Variants in ORC3 observed in about 807,000 individuals in gnomAD.
ORC3 encodes origin recognition complex subunit 3.
A neutral mutation model predicts 100.7 loss-of-function variants in ORC3; 78 were observed. The ratio of observed to expected loss-of-function variants is 0.77; its 90% confidence interval spans 0.65 to 0.94. The LOEUF (loss-of-function observed/expected upper bound fraction) is 0.94. Among genes scored for constraint, ORC3 ranks in the 40% least tolerant of loss-of-function variants. ORC3 has a pLI of 0.00. For missense variants in ORC3, 789 were observed against 823.9 expected, an observed-to-expected ratio of 0.96 and a Z score of 0.52; for synonymous variants, 295 against 289.3, an observed-to-expected ratio of 1.02 and a Z score of -0.20.
intron 18 of ORC3, among the ~76,000 whole-genome samples, chr6:87,665,529 TCTCTGCATA>T (rs1770525247): frequency 6.6e-6 from 1 of 152,242 alleles, no homozygotes; most frequent in Non-Finnish European, 1.5e-5. Flanking sequence ...TCGTTTCTTT[TCTCTGCATA>T]CTCTTAGTTC....
At chr6:87,644,079 C>CTTTTTTTTTTTTTTTTTTT (rs1156943778) in intron 13 of ORC3, among the ~76,000 whole-genome samples, 3 of 51,426 alleles carry the variant, frequency 5.8e-5, no homozygotes, top group African/African-American at 9.5e-5. Context: ...GCTGACTGTC[C>CTTTTTTTTTTTTTTTTTTT]TTTTTTTTTT....
At chr6:87,647,815 T>C (rs1017522430) in intron 13 of ORC3, among the ~76,000 whole-genome samples, 2 of 152,226 alleles carry the variant, frequency 1.3e-5, no homozygotes, top group Non-Finnish European at 1.5e-5. Flanking sequence ...AATTTTTTAT[T>C]TGAGGTGCTA....
rs186312890 is a variant in ORC3, at chr6:87,630,178, C to G, written c.1186-4667C>G. Among the ~76,000 whole-genome samples the G allele has an allele frequency of 7.1e-4, 108 of 152,108 alleles. 1 individual carries two copies. In the East Asian group the frequency reaches 0.021, roughly 29 times the overall value. ...GGCACAGTGGCTCACACCTGTAATC[C>G]CAGCACTTTGGGAGGCCGAGGCAAG... is the stretch of plus-strand genomic sequence containing the variant. On this transcript the variant is annotated intron_variant, in intron 11 of 19. Transcript: ENST00000392844.
intron 9 of ORC3, 32 bp downstream of exon 9, chr6:87,616,459 C>A: frequency 2.3e-6 from 2 of 863,822 alleles, no homozygotes; most frequent in Non-Finnish European, 1.9e-6. Context: ...TGAAAATTCT[C>A]AAGCTGATTC....
intron 14 of ORC3, among the ~76,000 whole-genome samples, chr6:87,654,418 A>G (rs956749429): frequency 2.6e-5 from 4 of 152,338 alleles, no homozygotes; most frequent in Admixed American, 6.5e-5. Flanking sequence ...CATGAACTCA[A>G]CCACTCTTCA....
At position 87,614,110 on chromosome 6, in the gene ORC3, C is replaced by T. The variant is rs1041085483; in HGVS notation, c.873+1862C>T. On this transcript the variant is annotated intron_variant, in intron 8 of 19. Coordinates refer to ENST00000392844, the MANE Select transcript of ORC3 (RefSeq NM_012381.4). ...CTACAGCAAACTTCTGCCTGGACAC[C>T]CAGGCTTTTCCATACATCTTCTGAA... 1.3e-5 allele frequency among the ~76,000 whole-genome samples: 2 copies of T among 152,194 alleles called. 1 individual carries two copies. Among genetic ancestry groups the T allele is most frequent in the South Asian group, 4.1e-4 (2 of 4,834 alleles).
intron 2 of ORC3, 63 bp from the exon 3 acceptor site, chr6:87,601,721 T>C: frequency 1.0e-6 from 1 of 971,714 alleles, no homozygotes; most frequent in Non-Finnish European, 1.6e-6. Context: ...ACTTTGCACG[T>C]AAGATCTATA....
At chr6:87,666,253 T>C (rs888095133) in intron 19 of ORC3, among the ~76,000 whole-genome samples, 99 of 152,150 alleles carry the variant, frequency 6.5e-4, no homozygotes, top group African/African-American at 2.3e-3. Flanking sequence ...TGCCTCAGCC[T>C]CCCAAGTAGC....
At chr6:87,670,695 C>A (rs886522682), downstream of ORC3, among the ~76,000 whole-genome samples, 1 of 152,086 alleles carries the variant, frequency 6.6e-6, no homozygotes, top group African/African-American at 2.4e-5. Context: ...ATCTGAAAAC[C>A]CTGAATCGAA....
chr6:87,676,053 G>T, the ORC3 span: 1 of 750,496 alleles, frequency 1.3e-6, no homozygotes, highest in Non-Finnish European at 2.2e-6. Context: ...CATAACCTCA[G>T]TAGTACTAAT....
the ORC3 span, among the ~76,000 whole-genome samples, chr6:87,673,422 G>C: frequency 2.0e-5 from 3 of 152,046 alleles, no homozygotes; most frequent in African/African-American, 7.2e-5. Context: ...CTGGCCTCTA[G>C]TGGTAGAGGC....
In ORC3 at chr6:87,643,929, T is replaced by C. The variant is rs60705992; in HGVS notation, c.1382+7443T>C. ...TACAATATAAATGCTATGTAAATAG[T>C]TGTTACATTGTATTGTTTAGAAAAT... On this transcript the variant is annotated intron_variant, in intron 13 of 19. Transcript: ENST00000392844. Among the ~76,000 whole-genome samples, 551 of 152,122 alleles carry C rather than the reference T, an allele frequency of 3.6e-3. 4 individuals are homozygous for C. The highest frequency in any genetic ancestry group is 0.012 in the African/African-American group (509 of 41,496).
At chr6:87,612,633 A>G (rs1206762094) in intron 8 of ORC3, among the ~76,000 whole-genome samples, 3 of 152,132 alleles carry the variant, frequency 2.0e-5, no homozygotes, top group Non-Finnish European at 2.9e-5. Flanking sequence ...TTTTTTTGAG[A>G]AGGAGTCTAG....
chr6:87,594,353 G>A lies in ORC3; in HGVS notation c.25G>A (p.Gly9Ser). The A allele has an allele frequency of 6.3e-7, 1 of 1,577,884 alleles. No individual in the cohort carries two copies. Among genetic ancestry groups the A allele is most frequent in the Non-Finnish European group, 8.7e-7 (1 of 1,155,006 alleles). ...ATGCTTTTCGTCTTTCTTTTTATAGGGTTGCTTTGTTTTTAAGCCAAACTC... is the reference window on the plus strand; with the variant it reads ...ATGCTTTTCGTCTTTCTTTTTATAGAGTTGCTTTGTTTTTAAGCCAAACTC... The part of the protein sequence containing the change: MATSSMSK[G>S]CFVFKPNSKK... The change falls in exon 2 of 20, where the codon GGT becomes AGT. Residue 9 changes from glycine to serine, a missense_variant and splice_region_variant. This residue lies in a region of ORC3 where 399 missense variants were observed against 382.0 expected (regional missense o/e 1.04). Transcript: ENST00000392844.
At chr6:87,598,443 G>C (rs1265703881) in intron 2 of ORC3, among the ~76,000 whole-genome samples, 1 of 152,182 alleles carries the variant, frequency 6.6e-6, no homozygotes, top group Non-Finnish European at 1.5e-5. Flanking sequence ...GTAAATGATA[G>C]AGCTAGGATT....
chr6:87,629,395 A>G (rs1780147093), intron 11 of ORC3, among the ~76,000 whole-genome samples: 1 of 152,216 alleles, frequency 6.6e-6, no homozygotes, highest in African/African-American at 2.4e-5. Context: ...CAAAAGTGGT[A>G]AGTACTATGG....
At chr6:87,628,526 T>C (rs1338680947) in intron 11 of ORC3, among the ~76,000 whole-genome samples, 1 of 152,254 alleles carries the variant, frequency 6.6e-6, no homozygotes, top group Non-Finnish European at 1.5e-5. Context: ...TACTTGTTAA[T>C]GTTTCACGTC....
At chr6:87,657,027 C>A in intron 15 of ORC3, 45 bp downstream of exon 15, 2 of 1,265,300 alleles carry the variant, frequency 1.6e-6, no homozygotes, top group South Asian at 1.2e-5. Flanking sequence ...GTGACACTCC[C>A]TTTTTTCAGT....
At chr6:87,597,952 G>T (rs1422481163) in intron 2 of ORC3, among the ~76,000 whole-genome samples, 2 of 152,144 alleles carry the variant, frequency 1.3e-5, no homozygotes, top group Non-Finnish European at 2.9e-5. Context: ...CACATAGCAT[G>T]CAGTGACATC....
Sources: gnomAD v4.1 joint callset for allele counts (sites outside exome capture counted in the v4.1 genomes callset) on GRCh38, gnomAD v4.1.1 for gene constraint, gnomAD v4.1.1 regional missense constraint, MANE v1.5 for transcripts, NCBI Gene and HGNC (gene_info 2026-07-23, HGNC 2026-07-21) for gene names.